The following MYO7A variants were observed in gnomAD, a reference collection of about 807,000 sequenced individuals.
MYO7A encodes myosin VIIA.
A neutral mutation model predicts 263.8 loss-of-function variants in MYO7A; 210 were observed. That is an observed-to-expected ratio of 0.80 (90% CI 0.71 to 0.89). The LOEUF (loss-of-function observed/expected upper bound fraction) is 0.89. Ranked by LOEUF, MYO7A falls within the 40% of genes least tolerant of loss-of-function variation. The pLI is 0.00. For synonymous variants in MYO7A, 1,239 were observed against 1,197.3 expected (o/e 1.03, Z -0.72); for missense variants, 2,820 against 2,968.3 (o/e 0.95, Z 1.16).
chr11:77,202,284 G>T lies in MYO7A; in HGVS notation c.5044-16G>T. 1 of 1,575,134 alleles carries T rather than the reference G, an allele frequency of 6.3e-7. No homozygotes were observed. Among genetic ancestry groups the T allele is most frequent in the Non-Finnish European group, 8.6e-7 (1 of 1,158,448 alleles). On this transcript the variant is annotated splice_polypyrimidine_tract_variant and intron_variant, in intron 36 of 48. Transcript: ENST00000409709. Reference sequence around the variant, plus strand: ...GGTAGAGAGCTGACCTGAGCCCCCTGTCTCTTGGTCCCTAGGCCCTGGTCA... The same window carrying T: ...GGTAGAGAGCTGACCTGAGCCCCCTTTCTCTTGGTCCCTAGGCCCTGGTCA...
At chr11:77,140,093 GC>G (rs1379222855) in intron 2 of MYO7A, among the ~76,000 whole-genome samples, 1 of 152,158 alleles carries the variant, frequency 6.6e-6, no homozygotes, top group Non-Finnish European at 1.5e-5. Flanking sequence ...GCTTCACTCA[GC>G]CTCTCGGAAT....
intron 27 of MYO7A, among the ~76,000 whole-genome samples, chr11:77,187,943 C>T (rs1283728521): frequency 1.3e-5 from 2 of 152,236 alleles, no homozygotes; most frequent in Non-Finnish European, 2.9e-5. Flanking sequence ...CACTACCTCA[C>T]CGGGGTGGCC....
At chr11:77,192,372 G>A in intron 31 of MYO7A, 94 bp downstream of exon 31, 1 of 1,322,516 alleles carries the variant, frequency 7.6e-7, no homozygotes, top group Non-Finnish European at 1.1e-6. Context: ...GCCATCATTA[G>A]CTCAGGCTGG....
chr11:77,190,143 C>T lies in MYO7A; in HGVS notation c.3750+4C>T, dbSNP rs764701863. ...GCCCAGCTGGCTGGAGCTGCAGGTT[C>T]GTGCGTGTGTATGCACGTGCTCGTG... is the stretch of plus-strand genomic sequence containing the variant. On this transcript the variant is annotated splice_donor_region_variant and intron_variant, in intron 29 of 48. Transcript: ENST00000409709. 25 of 1,555,916 alleles carry T rather than the reference C, an allele frequency of 1.6e-5. No homozygotes were observed. In the East Asian group the frequency reaches 2.6e-4, roughly 16 times the overall value.
intron 2 of MYO7A, among the ~76,000 whole-genome samples, chr11:77,135,132 C>G (rs913794920): frequency 2.0e-5 from 3 of 152,202 alleles, no homozygotes; most frequent in Admixed American, 6.5e-5. Flanking sequence ...AATACATTCA[C>G]AATGTTGTGT....
At chr11:77,179,470 A>G (rs1489195022) in intron 20 of MYO7A, among the ~76,000 whole-genome samples, 9 of 152,152 alleles carry the variant, frequency 5.9e-5, no homozygotes, top group African/African-American at 2.2e-4. Context: ...GCTGGATGGG[A>G]AGCAGACTGG....
At chr11:77,180,284 A>G (rs1555083255) in intron 21 of MYO7A, 90 bp from the exon 22 acceptor site, 1 of 779,330 alleles carries the variant, frequency 1.3e-6, no homozygotes, top group Non-Finnish European at 2.0e-6. Flanking sequence ...CCAGTTCCAG[A>G]ACTCAGAGTT....
intron 47 of MYO7A, 78 bp from the exon 48 acceptor site, chr11:77,213,782 C>T (rs1958006872): frequency 3.7e-6 from 6 of 1,605,198 alleles, no homozygotes; most frequent in Middle Eastern, 1.7e-4. Flanking sequence ...GGCCTGAGGC[C>T]TTCTGTGAGG....
chr11:77,142,717 T>C lies in MYO7A; in HGVS notation c.27T>C (p.His9=). 1.9e-6 allele frequency: 3 copies of C among 1,609,626 alleles called. No individual in the cohort carries two copies. The highest frequency in any genetic ancestry group is 2.5e-6 in the Non-Finnish European group (3 of 1,178,010). Residue 9 remains histidine (H), a synonymous_variant, in exon 3 of 49, where the codon CAT becomes CAC. Transcript: ENST00000409709. MVILQQGD[H]VWMDLRLGQE... ...CTCTCTCTCGCCCATAGGGGGACCA[T>C]GTGTGGATGGACCTGAGATTGGGGC...
At position 77,136,928 on chromosome 11, in the gene MYO7A, C is replaced by A. The variant is rs946954369; in HGVS notation, c.19-5781C>A. Among the ~76,000 whole-genome samples the A allele has an allele frequency of 3.3e-5, 5 of 152,204 alleles. No individual in the cohort carries two copies. The East Asian group carries it at 9.6e-4, about 29-fold the overall frequency. On this transcript the variant is annotated intron_variant, in intron 2 of 48. Transcript: ENST00000409709. ...TATCTGTGCCTGGGTCTGTCCACCACACCAGGCTGGGAGCTCTGAGGACAT... is the reference window on the plus strand; with the variant it reads ...TATCTGTGCCTGGGTCTGTCCACCAAACCAGGCTGGGAGCTCTGAGGACAT...
At position 77,190,979 on chromosome 11, in the gene MYO7A, G is replaced by T. The variant is rs4944148; in HGVS notation, c.3924+109G>T. On this transcript the variant is annotated intron_variant, in intron 30 of 48. Transcript: ENST00000409709. ...GGGGCTATTCACCCTTGAGCACCTC[G>T]GTTTCCCCCTGAGCCTGTGCTAATT... 8 of 1,244,950 alleles carry T rather than the reference G, an allele frequency of 6.4e-6. No homozygotes were observed. The African/African-American group carries it at 7.6e-5, about 12-fold the overall frequency. The allele number at this position is 1,244,950 out of a possible 1,614,324, so 77.1% of individuals were successfully genotyped here.
chr11:77,150,950 G>A (rs567186782), intron 4 of MYO7A, among the ~76,000 whole-genome samples: 1 of 152,298 alleles, frequency 6.6e-6, no homozygotes, highest in South Asian at 2.1e-4. Flanking sequence ...GTCCCTTCAT[G>A]GATTGGGTTA....
intron 35 of MYO7A, among the ~76,000 whole-genome samples, chr11:77,200,519 C>T (rs1031983073): frequency 2.0e-5 from 3 of 152,206 alleles, no homozygotes; most frequent in Admixed American, 2.0e-4. Context: ...TCCCATGACC[C>T]AAACACCTCA....
At chr11:77,184,293 A>C (rs1256927948) in intron 26 of MYO7A, among the ~76,000 whole-genome samples, 1 of 152,018 alleles carries the variant, frequency 6.6e-6, no homozygotes, top group East Asian at 1.9e-4. Context: ...GTCCTGGCTG[A>C]GAGGACCTCC....
intron 31 of MYO7A, among the ~76,000 whole-genome samples, chr11:77,193,641 C>T (rs1041341118): frequency 6.6e-6 from 1 of 151,874 alleles, no homozygotes; most frequent in Non-Finnish European, 1.5e-5. Context: ...AGTATAGCCA[C>T]ATCAGTTGCT....
chr11:77,174,500 C>T (rs913397553), intron 16 of MYO7A, among the ~76,000 whole-genome samples: 2 of 152,230 alleles, frequency 1.3e-5, no homozygotes, highest in East Asian at 3.9e-4. Context: ...CCATGAAGCT[C>T]CCCACTTGGG....
intron 39 of MYO7A, 79 bp downstream of exon 39, chr11:77,204,308 G>C: frequency 6.6e-7 from 1 of 1,509,146 alleles, no homozygotes; most frequent in Non-Finnish European, 9.0e-7. Context: ...TGAGGCAGCT[G>C]CTGGCTCTGC....
At chr11:77,180,099 C>G in intron 21 of MYO7A, 146 bp downstream of exon 21, 1 of 923,614 alleles carries the variant, frequency 1.1e-6, no homozygotes, top group South Asian at 1.7e-5. Flanking sequence ...TACCTGGGAC[C>G]AGACCCTCAT....
At chr11:77,135,156 A>G (rs1160056213) in intron 2 of MYO7A, among the ~76,000 whole-genome samples, 1 of 152,236 alleles carries the variant, frequency 6.6e-6, no homozygotes, top group African/African-American at 2.4e-5. Context: ...CATCACCACT[A>G]TCAATTTCTG....
Sources: gnomAD v4.1 joint callset for allele counts (sites outside exome capture counted in the v4.1 genomes callset) on GRCh38, gnomAD v4.1.1 for gene constraint, MANE v1.5 for transcripts, NCBI Gene and HGNC (gene_info 2026-07-23, HGNC 2026-07-21) for gene names.